The following SLC18A2 variants were observed in gnomAD, a reference collection of about 807,000 sequenced individuals.
SLC18A2 encodes synaptic vesicular amine transporter.
Under a neutral mutation model 59.2 loss-of-function variants are expected in SLC18A2, and 33 were observed. The observed-to-expected ratio is 0.56, with a 90% confidence interval of 0.42 to 0.75. The LOEUF (loss-of-function observed/expected upper bound fraction) is 0.75. Ranked by LOEUF, SLC18A2 falls within the 30% of genes least tolerant of loss-of-function variation. The pLI, the probability that SLC18A2 is intolerant of heterozygous loss-of-function variation, is 0.00. For synonymous variants in SLC18A2, 228 were observed against 253.5 expected (o/e 0.90, Z 0.95); for missense variants, 569 against 668.6 (o/e 0.85, Z 1.64).
rs116021038 is a variant in SLC18A2, at chr10:117,262,664, C to T, written c.992-4069C>T. 2.0e-3 allele frequency among the ~76,000 whole-genome samples: 300 copies of T among 152,062 alleles called. 1 individual carries two copies. The highest frequency in any genetic ancestry group is 6.8e-3 in the African/African-American group (284 of 41,470). On this transcript the variant is annotated intron_variant, in intron 10 of 15. Coordinates refer to ENST00000644641, the MANE Select transcript of SLC18A2 (RefSeq NM_003054.6). ...TGCATGCAACTCTTGAGCTGAGAAG[C>T]TCTTATTTGTTTATTTATTTTTAGA...
intron 9 of SLC18A2, 69 bp from the exon 10 acceptor site, chr10:117,257,728 G>A: frequency 2.1e-6 from 2 of 941,432 alleles, no homozygotes; most frequent in East Asian, 2.6e-5. Flanking sequence ...GTAGGCGCAT[G>A]GAGTCTAACT....
chr10:117,254,450 G>A lies in SLC18A2; in HGVS notation c.653G>A (p.Gly218Asp). 1 of 1,610,264 alleles carries A rather than the reference G, an allele frequency of 6.2e-7. No homozygotes were observed. The highest frequency in any genetic ancestry group is 8.5e-7 in the Non-Finnish European group (1 of 1,177,802). The change falls in exon 6 of 16, where the codon GGC (glycine) becomes GAC (aspartate). Residue 218 changes from glycine to aspartate, a missense_variant. By Grantham distance (94) the Gly-to-Asp change is moderately conservative. This residue lies in a region of SLC18A2 where 377 missense variants were observed against 389.8 expected (regional missense o/e 0.97). Transcript: ENST00000644641. ...ASVYTDDEER[G>D]NVMGIALGGL... is the part of the protein sequence containing the mutation. The stretch of plus-strand genomic sequence containing the variant: ...GTCTACACAGATGATGAAGAGAGAG[G>A]CAACGTCATGGGAATCGCCTTGGGA...
intron 9 of SLC18A2, 22 bp from the exon 10 acceptor site, chr10:117,257,775 A>G (rs1459439919): frequency 1.3e-6 from 2 of 1,552,924 alleles, no homozygotes; most frequent in Middle Eastern, 1.7e-4. Context: ...AAGCCACTAC[A>G]AAGCCCTTTC....
Position 117,241,680 on chromosome 10 carries a change from G to T in SLC18A2, c.-14G>T. On this transcript the variant is annotated splice_region_variant and 5_prime_UTR_variant, in exon 2 of 16. Transcript: ENST00000644641. ...CCTCACCGCGCACCGCGCCCGCAGC[G>T]GAGCCCCGGAGCCATGGCCCTGAGC... The T allele has an allele frequency of 1.3e-6, 2 of 1,569,196 alleles. No homozygotes were observed. The highest frequency in any genetic ancestry group is 1.7e-6 in the Non-Finnish European group (2 of 1,159,912).
chr10:117,265,400 C>T (rs906939387), intron 10 of SLC18A2, among the ~76,000 whole-genome samples: 1 of 152,104 alleles, frequency 6.6e-6, no homozygotes, highest in African/African-American at 2.4e-5. Flanking sequence ...GTAGCAGGCA[C>T]TCGGTCATCT....
In SLC18A2 at chr10:117,244,273, C is replaced by T. The variant is rs2133726005; in HGVS notation, c.424C>T (p.Gln142Ter). 2 of 1,614,180 alleles carry T rather than the reference C, an allele frequency of 1.2e-6. No homozygotes were observed. Among genetic ancestry groups the T allele is most frequent in the Non-Finnish European group, 1.7e-6 (2 of 1,180,020 alleles). ...GTTGTTTGCCTCGAAAGCCACCGTC[C>T]AGCTCATCACCAACCCTTTCATAGG... The part of the protein sequence containing the change: ...GLLFASKATV[Q>*]LITNPFIGLL... The change falls in exon 3 of 16, where the codon CAG (glutamine) becomes TAG (stop). Residue 142 changes from glutamine to a stop codon, truncating the protein, a stop_gained. Transcript: ENST00000644641. LOFTEE classifies it high-confidence loss of function.
intron 10 of SLC18A2, among the ~76,000 whole-genome samples, chr10:117,260,246 G>A (rs113694706): frequency 9.2e-5 from 14 of 152,050 alleles, no homozygotes; most frequent in Non-Finnish European, 1.5e-4. Context: ...TGGAGTGCTA[G>A]GGGCCCCACT....
In SLC18A2 at chr10:117,277,267, G is replaced by A. The variant is rs1844510954; in HGVS notation, c.*1G>A. 2 of 1,549,678 alleles carry A rather than the reference G, an allele frequency of 1.3e-6. No individual in the cohort carries two copies. The highest frequency in any genetic ancestry group is 1.8e-6 in the Non-Finnish European group (2 of 1,124,454). Reference sequence around the variant, plus strand: ...AGATGAAGAATCTGAAAGTGACTGAGATGAGATCCTCAAAAATCATCAAAG... The same window carrying A: ...AGATGAAGAATCTGAAAGTGACTGAAATGAGATCCTCAAAAATCATCAAAG... On this transcript the variant is annotated 3_prime_UTR_variant, in exon 16 of 16. Coordinates refer to ENST00000644641, the MANE Select transcript of SLC18A2 (RefSeq NM_003054.6).
At chr10:117,267,528 C>T (rs766102565) in intron 12 of SLC18A2, 145 bp from the exon 13 acceptor site, 14 of 560,110 alleles carry the variant, frequency 2.5e-5, no homozygotes, top group Non-Finnish European at 4.3e-5. Flanking sequence ...TCCGGTTCTT[C>T]ACAAACCCCA....
intron 15 of SLC18A2, among the ~76,000 whole-genome samples, chr10:117,275,706 G>C (rs529043435): frequency 1.3e-5 from 2 of 152,284 alleles, no homozygotes; most frequent in South Asian, 4.2e-4. Flanking sequence ...TGCTTAGCAT[G>C]GTCTTGGCAT....
At position 117,269,938 on chromosome 10, in the gene SLC18A2, C is replaced by A; in HGVS notation, c.1187-133C>A. The A allele has an allele frequency of 9.3e-7, 1 of 1,077,528 alleles. No individual in the cohort carries two copies. Among genetic ancestry groups the A allele is most frequent in the East Asian group, 2.5e-5 (1 of 39,838 alleles). The allele number at this position is 1,077,528 out of a possible 1,614,324, so 66.7% of individuals were successfully genotyped here. On this transcript the variant is annotated intron_variant, in intron 13 of 15. Transcript: ENST00000644641. This position sits in a 1 kb window ranked among gnomAD's most constrained non-coding sequence, Gnocchi z 5.1. ...TTCTACTCAAAGATTAGTATCACCC[C>A]AAGACTTGCAGGTGGTGATGACAGA...
At chr10:117,244,419 C>A in intron 3 of SLC18A2, 106 bp downstream of exon 3, 2 of 1,080,594 alleles carry the variant, frequency 1.9e-6, no homozygotes, top group Non-Finnish European at 2.6e-6. Context: ...CTGGAAAATC[C>A]ATGGTGGGTG....
At chr10:117,264,364 A>G (rs949935331) in intron 10 of SLC18A2, among the ~76,000 whole-genome samples, 1 of 152,184 alleles carries the variant, frequency 6.6e-6, no homozygotes, top group Non-Finnish European at 1.5e-5. Context: ...TAATCCTAGC[A>G]CTTTGGGAGG....
At chr10:117,272,129 T>C (rs1156457389) in intron 15 of SLC18A2, among the ~76,000 whole-genome samples, 1 of 152,298 alleles carries the variant, frequency 6.6e-6, no homozygotes, top group East Asian at 1.9e-4. Context: ...CCTCATAGGA[T>C]TGTTGTGAGG....
chr10:117,243,022 G>A (rs1358412112), intron 2 of SLC18A2, among the ~76,000 whole-genome samples: 4 of 152,282 alleles, frequency 2.6e-5, no homozygotes, highest in Admixed American at 6.5e-5. Context: ...CTGAGCCACC[G>A]TGCCTGGCCT....
In SLC18A2 at chr10:117,241,689, G is replaced by C. The variant is rs1844055790; in HGVS notation, c.-5G>C. 1 of 1,582,666 alleles carries C rather than the reference G, an allele frequency of 6.3e-7. No individual in the cohort carries two copies. The highest frequency in any genetic ancestry group is 8.6e-7 in the Non-Finnish European group (1 of 1,166,562). ...GCACCGCGCCCGCAGCGGAGCCCCG[G>C]AGCCATGGCCCTGAGCGAGCTGGCG... On this transcript the variant is annotated 5_prime_UTR_variant, in exon 2 of 16. Transcript: ENST00000644641.
intron 10 of SLC18A2, among the ~76,000 whole-genome samples, chr10:117,262,312 A>C (rs1373107366): frequency 6.6e-6 from 1 of 152,258 alleles, no homozygotes; most frequent in Non-Finnish European, 1.5e-5. Context: ...TTGGAATTAA[A>C]CAAGAATGTT....
intron 15 of SLC18A2, among the ~76,000 whole-genome samples, chr10:117,271,794 A>G (rs1402467851): frequency 6.6e-6 from 1 of 152,212 alleles, no homozygotes; most frequent in African/African-American, 2.4e-5. Context: ...ACCCTAGCAT[A>G]ATACCTTGCC....
At chr10:117,270,291 A>G (rs751129149) in intron 14 of SLC18A2, 39 bp from the exon 15 acceptor site, 9 of 1,613,756 alleles carry the variant, frequency 5.6e-6, no homozygotes, top group Middle Eastern at 1.6e-4. Context: ...TCTACAAGAC[A>G]TTTGGAAGAG....
Sources: allele counts gnomAD v4.1 joint callset (sites outside exome capture counted in the v4.1 genomes callset), GRCh38; gene constraint gnomAD v4.1.1; regional missense constraint gnomAD v4.1.1; non-coding constraint Gnocchi (gnomAD v3.1); transcripts MANE v1.5; gene names NCBI Gene and HGNC (gene_info 2026-07-23, HGNC 2026-07-21).